Variants in FHIT observed in about 807,000 individuals in gnomAD.
The protein encoded by FHIT is fragile histidine triad diadenosine triphosphatase, also known as bis(5'-adenosyl)-triphosphatase.
A neutral mutation model predicts 17.9 loss-of-function variants in FHIT; 19 were observed. That is an observed-to-expected ratio of 1.06 (90% CI 0.74 to 1.56). The LOEUF (loss-of-function observed/expected upper bound fraction) is 1.56. Ranked by LOEUF, FHIT falls within the 40% of genes most tolerant of loss-of-function variation. The probability of loss-of-function intolerance (pLI) is 0.00; values close to 1 mark genes in which losing one functional copy is unlikely to be tolerated. For synonymous variants in FHIT, 81 were observed against 69.7 expected (o/e 1.16, Z -0.81); for missense variants, 248 against 189.2 (o/e 1.31, Z -1.82).
In FHIT at chr3:60,707,054, A is replaced by G. The variant is rs923301704; in HGVS notation, c.-18+114865T>C. On this transcript the variant is annotated intron_variant, in intron 4 of 9. Transcript: ENST00000492590. Reference sequence around the variant, plus strand: ...CTTTTCACATGGCTACATTTTTGACATTTACTTCAATATTCTACCCAGTTG... The same window carrying G: ...CTTTTCACATGGCTACATTTTTGACGTTTACTTCAATATTCTACCCAGTTG... Among the ~76,000 whole-genome samples the G allele has an allele frequency of 9.8e-5, 15 of 152,308 alleles. 1 individual carries two copies. The Middle Eastern group carries it at 0.014, about 138-fold the overall frequency.
chr3:60,518,244 G>T (rs1005196052), intron 5 of FHIT, among the ~76,000 whole-genome samples: 1 of 152,202 alleles, frequency 6.6e-6, no homozygotes, highest in Admixed American at 6.5e-5. Context: ...TGCAACAAAT[G>T]TGACAGGTAG....
chr3:60,247,067 G>A (rs960848302), intron 5 of FHIT, among the ~76,000 whole-genome samples: 2 of 152,096 alleles, frequency 1.3e-5, no homozygotes, highest in East Asian at 1.9e-4. Flanking sequence ...TATGGACTTT[G>A]GGTGTCAATG....
chr3:60,341,382 G>A (rs567523303), intron 5 of FHIT, among the ~76,000 whole-genome samples: 1 of 152,176 alleles, frequency 6.6e-6, no homozygotes. Flanking sequence ...GTTCAAATAA[G>A]CACTGCATTT....
intron 4 of FHIT, among the ~76,000 whole-genome samples, chr3:60,798,736 T>G (rs1220082431): frequency 6.7e-6 from 1 of 149,116 alleles, no homozygotes; most frequent in Non-Finnish European, 1.5e-5. Flanking sequence ...TATTCTCACA[T>G]GCACTACTGC....
At chr3:60,233,300 G>T (rs1049461209) in intron 5 of FHIT, among the ~76,000 whole-genome samples, 27 of 152,096 alleles carry the variant, frequency 1.8e-4, no homozygotes, top group African/African-American at 6.3e-4. Context: ...CCAGTACCCA[G>T]CTTTGTCCAT....
intron 5 of FHIT, among the ~76,000 whole-genome samples, chr3:60,025,058 G>A (rs1575914557): frequency 1.3e-5 from 2 of 152,324 alleles, no homozygotes; most frequent in South Asian, 4.1e-4. Flanking sequence ...CAAAAAGGAA[G>A]AGAAGGATCA....
intron 5 of FHIT, among the ~76,000 whole-genome samples, chr3:60,484,737 T>C (rs761429060): frequency 6.6e-5 from 10 of 151,972 alleles, no homozygotes; most frequent in African/African-American, 1.9e-4. Context: ...ACCTAGGCAA[T>C]ACCATTGGGC....
chr3:60,967,617 A>C (rs1381501738), intron 3 of FHIT, among the ~76,000 whole-genome samples: 1 of 152,210 alleles, frequency 6.6e-6, no homozygotes, highest in African/African-American at 2.4e-5. Flanking sequence ...TTTTATGCTT[A>C]TGCAATGTTT....
chr3:61,042,869 T>A (rs890173607), intron 2 of FHIT, among the ~76,000 whole-genome samples: 22 of 152,058 alleles, frequency 1.4e-4, no homozygotes, highest in African/African-American at 3.6e-4. Flanking sequence ...CACTTTTTTT[T>A]AAAAAGTAAG....
intron 4 of FHIT, among the ~76,000 whole-genome samples, chr3:60,796,166 A>C (rs6762122): frequency 0.6 from 91,457 of 151,472 alleles, 29,017 homozygotes; most frequent in African/African-American, 0.78. Context: ...CCCCCTAGGT[A>C]CCTCCCACAA....
chr3:60,528,198 T>G (rs2107580836), intron 5 of FHIT, among the ~76,000 whole-genome samples: 1 of 152,302 alleles, frequency 6.6e-6, no homozygotes, highest in South Asian at 2.1e-4. Context: ...CTGAAACTCC[T>G]GGTCTCAAGT....
Position 59,752,293 on chromosome 3 carries a change from G to A in FHIT, c.377C>T (p.Pro126Leu). The A allele has an allele frequency of 1.2e-6, 2 of 1,613,010 alleles. No individual in the cohort carries two copies. Among genetic ancestry groups the A allele is most frequent in the Non-Finnish European group, 1.7e-6 (2 of 1,179,594 alleles). The change falls in exon 9 of 10, where the codon CCT (proline) becomes CTT (leucine). Residue 126 changes from proline (P) to leucine (L), a missense_variant. Transcript: ENST00000492590. ...TTCCTCCTCTGATCTCCAAGAGGCA[G>A]GAAAGTCCTCCTTGTCATGTTTCTG... ...ELQKHDKEDF[P>L]ASWRSEEEMA...
At chr3:61,036,918 G>A (rs11130808) in intron 3 of FHIT, among the ~76,000 whole-genome samples, 1 of 125,948 alleles carries the variant, frequency 7.9e-6, no homozygotes, top group Non-Finnish European at 1.6e-5. Flanking sequence ...TTTTTTGTTT[G>A]TTTGTTTTTT....
chr3:60,358,042 G>A (rs995230977), intron 5 of FHIT, among the ~76,000 whole-genome samples: 11 of 152,168 alleles, frequency 7.2e-5, no homozygotes, highest in Non-Finnish European at 1.5e-4. Flanking sequence ...CAGGAGATAG[G>A]CCTTAGCAAT....
intron 4 of FHIT, among the ~76,000 whole-genome samples, chr3:60,621,658 G>C (rs1553678673): frequency 6.6e-6 from 1 of 152,058 alleles, no homozygotes; most frequent in Non-Finnish European, 1.5e-5. Flanking sequence ...TGGCTTTCCA[G>C]AGCATTGTAC....
chr3:59,867,517 C>A (rs1702709526), intron 8 of FHIT, among the ~76,000 whole-genome samples: 1 of 152,084 alleles, frequency 6.6e-6, no homozygotes, highest in Non-Finnish European at 1.5e-5. Context: ...GATCCTAAAT[C>A]TATCACTGAA....
chr3:61,109,108 T>A (rs2036078923), intron 2 of FHIT, among the ~76,000 whole-genome samples: 1 of 152,178 alleles, frequency 6.6e-6, no homozygotes, highest in African/African-American at 2.4e-5. Context: ...AGGGAATGGC[T>A]AAGAAGAAAT....
At chr3:61,172,620 T>C (rs1216432985) in intron 2 of FHIT, among the ~76,000 whole-genome samples, 2 of 152,210 alleles carry the variant, frequency 1.3e-5, no homozygotes, top group South Asian at 4.1e-4. Context: ...ATACAGTTAC[T>C]AAGATAATAA....
At chr3:59,999,877 G>A (rs1699661397) in intron 7 of FHIT, among the ~76,000 whole-genome samples, 1 of 152,008 alleles carries the variant, frequency 6.6e-6, no homozygotes, top group Non-Finnish European at 1.5e-5. Flanking sequence ...CAAAGTGCTG[G>A]GATTACAGGT....
Sources: gnomAD v4.1 joint callset for allele counts (sites outside exome capture counted in the v4.1 genomes callset) on GRCh38, gnomAD v4.1.1 for gene constraint, MANE v1.5 for transcripts, NCBI Gene and HGNC (gene_info 2026-07-23, HGNC 2026-07-21) for gene names.